GALNT5: variants seen among roughly 807,000 people sequenced by gnomAD.
GALNT5 encodes the protein UDP-GalNAc:polypeptide N-acetylgalactosaminyltransferase 5.
Under a neutral mutation model 85.4 loss-of-function variants are expected in GALNT5, and 72 were observed. The ratio of observed to expected loss-of-function variants is 0.84; its 90% confidence interval spans 0.70 to 1.03. The LOEUF is 1.03. GALNT5 is among the 50% of genes least tolerant of loss of function. GALNT5 has a pLI of 0.00. For synonymous variants in GALNT5, 404 were observed against 397.0 expected, an observed-to-expected ratio of 1.02 and a Z score of -0.21; for missense variants, 1,137 against 1,135.5, an observed-to-expected ratio of 1.00 and a Z score of -0.02.
chr2:157,269,686 C>T (rs931998556), intron 1 of GALNT5, among the ~76,000 whole-genome samples: 2 of 152,058 alleles, frequency 1.3e-5, no homozygotes, highest in Non-Finnish European at 2.9e-5. Context: ...TCTCAAATTT[C>T]TGAGAATTTT....
Position 157,258,597 on chromosome 2 carries a change from C to T in GALNT5, c.515C>T (p.Ser172Leu). The change falls in exon 1 of 10, where the codon TCA becomes TTA. Residue 172 changes from serine (S) to leucine (L), a missense_variant. Ser to Leu is a moderately radical substitution (Grantham distance 145, BLOSUM62 -2). Coordinates refer to ENST00000259056, the MANE Select transcript of GALNT5 (RefSeq NM_014568.3). Reference protein sequence around the residue: ...QTTAQGAPKTSFIAAKGTQVV... With the variant: ...QTTAQGAPKTLFIAAKGTQVV... ...ACAGCTCAGGGGGCTCCAAAGACCTCATTCATAGCAGCAAAAGGAACTCAG... is the reference window on the plus strand; with the variant it reads ...ACAGCTCAGGGGGCTCCAAAGACCTTATTCATAGCAGCAAAAGGAACTCAG... 1 of 1,613,590 alleles carries T rather than the reference C, an allele frequency of 6.2e-7. No homozygotes were observed.
chr2:157,273,058 A>G (rs1350917455), intron 1 of GALNT5, among the ~76,000 whole-genome samples: 1 of 151,908 alleles, frequency 6.6e-6, no homozygotes, highest in East Asian at 1.9e-4. Flanking sequence ...CTTTTTAATA[A>G]CTGCCATTCT....
At chr2:157,268,952 T>C (rs971217416) in intron 1 of GALNT5, among the ~76,000 whole-genome samples, 2 of 152,220 alleles carry the variant, frequency 1.3e-5, no homozygotes, top group African/African-American at 4.8e-5. Flanking sequence ...AATTAGACTT[T>C]AGCAGCAATT....
In GALNT5 at chr2:157,259,473, T is replaced by TC; in HGVS notation, c.1392dup (p.Asn465GlnfsTer5). On this transcript the variant is annotated frameshift_variant, in exon 1 of 10. Transcript: ENST00000259056. LOFTEE classifies it high-confidence loss of function. Reference sequence around the variant, plus strand: ...GAAAGAAGATGGAAAGAAGGAAACTTCAATGTCTACCTTAGCGATTTGATC... The same window carrying TC: ...GAAAGAAGATGGAAAGAAGGAAACTTCCAATGTCTACCTTAGCGATTTGATC... The TC allele has an allele frequency of 2.7e-6, 4 of 1,459,688 alleles. No individual in the cohort carries two copies. The highest frequency in any genetic ancestry group is 3.6e-6 in the Non-Finnish European group (4 of 1,103,646). The allele number at this position is 1,459,688 out of a possible 1,614,324, so 90.4% of individuals were successfully genotyped here.
At chr2:157,301,373 G>C (rs570048892) in intron 7 of GALNT5, 1 of 257,820 alleles carries the variant, frequency 3.9e-6, no homozygotes, top group South Asian at 4.9e-5. Context: ...CTCTCATTTA[G>C]GGAACAGGCC....
intron 9 of GALNT5, 117 bp downstream of exon 9, chr2:157,308,845 G>C (rs1192057981): frequency 1.3e-6 from 1 of 746,658 alleles, no homozygotes; most frequent in Non-Finnish European, 2.1e-6. Flanking sequence ...GTGACCATGG[G>C]ATTATGTAAA....
At chr2:157,280,843 G>A (rs545401170) in intron 1 of GALNT5, among the ~76,000 whole-genome samples, 1 of 152,104 alleles carries the variant, frequency 6.6e-6, no homozygotes, top group East Asian at 1.9e-4. Context: ...AGATTTGGTT[G>A]GTTAAAAGTG....
chr2:157,295,351 A>T (rs547513529), intron 3 of GALNT5, among the ~76,000 whole-genome samples: 1 of 152,182 alleles, frequency 6.6e-6, no homozygotes, highest in East Asian at 1.9e-4. Context: ...TAATGGGCAC[A>T]CTCTCTCAGA....
intron 1 of GALNT5, among the ~76,000 whole-genome samples, chr2:157,262,488 A>AGCTAATCTCTTTGCTCTTCTCCACCCT (rs1558888298): frequency 3.3e-5 from 5 of 151,858 alleles, no homozygotes; most frequent in African/African-American, 1.2e-4. Flanking sequence ...AAATTTAAAA[A>AGCTAATCTCTTTGCTCTTCTCCACCCT]TTACCCAAGG....
intron 3 of GALNT5, among the ~76,000 whole-genome samples, chr2:157,290,861 T>C (rs1018590019): frequency 6.6e-6 from 1 of 152,036 alleles, no homozygotes; most frequent in Admixed American, 6.5e-5. Context: ...ATCTACAAAA[T>C]AATAAGGGGC....
intron 1 of GALNT5, among the ~76,000 whole-genome samples, chr2:157,280,722 A>G (rs1480045184): frequency 6.6e-6 from 1 of 152,206 alleles, no homozygotes; most frequent in Admixed American, 6.5e-5. Context: ...TGTGACCTCC[A>G]ATGTTGGAGG....
chr2:157,293,117 A>G (rs1415414638), intron 3 of GALNT5, among the ~76,000 whole-genome samples: 1 of 152,198 alleles, frequency 6.6e-6, no homozygotes, highest in African/African-American at 2.4e-5. Flanking sequence ...CAGCTGTCCC[A>G]AAGGTGCCAT....
intron 2 of GALNT5, among the ~76,000 whole-genome samples, chr2:157,285,414 T>C (rs1490933774): frequency 6.6e-6 from 1 of 152,136 alleles, no homozygotes; most frequent in Non-Finnish European, 1.5e-5. Flanking sequence ...CTTAGAAAGT[T>C]TTCTGGAAGC....
At chr2:157,301,034 TAAAAACAAAACACAA>T (rs772977251) in intron 7 of GALNT5, 35 bp downstream of exon 7, 3 of 1,461,342 alleles carry the variant, frequency 2.1e-6, no homozygotes, top group Non-Finnish European at 2.8e-6. Context: ...TCTTACTCCA[TAAAAACAAAACACAA>T]AATCTCTTTC....
Position 157,313,870 on chromosome 2 carries a change from T to G in GALNT5, c.*2522T>G, listed in dbSNP as rs886386483. The G allele has an allele frequency of 6.6e-6, 1 of 152,160 alleles. No individual in the cohort carries two copies. Among genetic ancestry groups the G allele is most frequent in the Non-Finnish European group, 1.5e-5 (1 of 68,022 alleles). The allele number at this position is 152,160 out of a possible 1,614,324, so 9.4% of individuals were successfully genotyped here. A position where few individuals can be genotyped will look rare whatever the true frequency, so the allele number is the denominator to read the frequency against. On this transcript the variant is annotated 3_prime_UTR_variant, in exon 10 of 10. Coordinates refer to ENST00000259056, the MANE Select transcript of GALNT5 (RefSeq NM_014568.3). ...AAGGATTGTTTTTGAACATCACAAA[T>G]TTGTTCTTGGATAGAATTTTATACA...
In GALNT5 at chr2:157,316,037, C is replaced by T. The variant is rs997077042; in HGVS notation, c.*4689C>T. 1.3e-5 allele frequency among the ~76,000 whole-genome samples: 2 copies of T among 151,960 alleles called. No homozygotes were observed. The highest frequency in any genetic ancestry group is 2.1e-4 in the South Asian group (1 of 4,824). ...TAACCAGGTATACTACTTACATAGC[C>T]GGTGAAAAGACTGGCCCTCCCACCC... On this transcript the variant is annotated 3_prime_UTR_variant, in exon 10 of 10. Coordinates refer to ENST00000259056, the MANE Select transcript of GALNT5 (RefSeq NM_014568.3).
chr2:157,308,801 T>A, intron 9 of GALNT5, 73 bp downstream of exon 9: 1 of 1,193,520 alleles, frequency 8.4e-7, no homozygotes, highest in Non-Finnish European at 1.2e-6. Context: ...AAATTCTCAT[T>A]GTCACCTTCC....
chr2:157,266,543 GTGTATGCATATA>G (rs1682462142), intron 1 of GALNT5, among the ~76,000 whole-genome samples: 1 of 152,172 alleles, frequency 6.6e-6, no homozygotes. Context: ...AGTGATGTGT[GTGTATGCATATA>G]TGTATGCATG....
At chr2:157,262,207 T>TA (rs535714685) in intron 1 of GALNT5, among the ~76,000 whole-genome samples, 9,398 of 97,808 alleles carry the variant, frequency 0.096, 503 homozygotes, top group East Asian at 0.27. Context: ...CCAAAAAATG[T>TA]AAAAAAAAAA....
Sources: allele counts gnomAD v4.1 joint callset (sites outside exome capture counted in the v4.1 genomes callset), GRCh38; gene constraint gnomAD v4.1.1; transcripts MANE v1.5; gene names NCBI Gene and HGNC (gene_info 2026-07-23, HGNC 2026-07-21).